DNM1L: variants seen among roughly 807,000 people sequenced by gnomAD.
DNM1L encodes the protein dynamin 1L.
DNM1L carries 33 observed loss-of-function variants against 92.8 expected under a neutral mutation model. The ratio of observed to expected loss-of-function variants is 0.36; its 90% confidence interval spans 0.27 to 0.48. The LOEUF (loss-of-function observed/expected upper bound fraction) is 0.48. Among genes scored for constraint, DNM1L ranks in the 20% least tolerant of loss-of-function variants. The probability of loss-of-function intolerance (pLI) is 0.99; values close to 1 mark genes in which losing one functional copy is unlikely to be tolerated. For synonymous variants in DNM1L, 284 were observed against 305.0 expected (o/e 0.93, Z 0.72); for missense variants, 485 against 888.8 (o/e 0.55, Z 5.78).
At chr12:32,709,266 C>T (rs1159199919) in intron 4 of DNM1L, among the ~76,000 whole-genome samples, 3 of 152,106 alleles carry the variant, frequency 2.0e-5, no homozygotes, top group Non-Finnish European at 2.9e-5. Context: ...ATTAGCTTAT[C>T]GTCATTCCTC....
intron 3 of DNM1L, 60 bp from the exon 4 acceptor site, chr12:32,708,093 A>G: frequency 3.0e-6 from 3 of 1,001,034 alleles, no homozygotes; most frequent in Non-Finnish European, 3.1e-6. Context: ...CTCCCCCTCC[A>G]GCTTAAGAAC....
chr12:32,681,271 C>CTTTTACTCA (rs1951791203), intron 1 of DNM1L, among the ~76,000 whole-genome samples: 1 of 152,148 alleles, frequency 6.6e-6, no homozygotes, highest in African/African-American at 2.4e-5. Flanking sequence ...AGCTGATAAT[C>CTTTTACTCA]AGTCTTTTAC....
Position 32,679,389 on chromosome 12 carries a change from A to G in DNM1L, c.26A>G (p.Asn9Ser), listed in dbSNP as rs771381138. The G allele has an allele frequency of 6.2e-7, 1 of 1,613,830 alleles. No individual in the cohort carries two copies. The highest frequency in any genetic ancestry group is 8.5e-7 in the Non-Finnish European group (1 of 1,179,872). ...ATGGAGGCGCTAATTCCTGTCATAA[A>G]CAAGCTCCAGGACGTCTTCAACACG... MEALIPVI[N>S]KLQDVFNTVG... Residue 9 changes from asparagine to serine, a missense_variant, in exon 1 of 20, where the codon AAC (asparagine) becomes AGC (serine). Transcript: ENST00000549701.
Position 32,745,274 on chromosome 12 carries a change from T to TATCA in DNM1L, c.*1864_*1865insATCA, listed in dbSNP as rs1165258712. 2 of 220,314 alleles carry TATCA rather than the reference T, an allele frequency of 9.1e-6. No individual in the cohort carries two copies. The highest frequency in any genetic ancestry group is 1.7e-3 in the Middle Eastern group (1 of 584). 13.6% of individuals were successfully genotyped at this position (220,314 alleles called of 1,614,324 possible). A position where few individuals can be genotyped will look rare whatever the true frequency, so the allele number is the denominator to read the frequency against. ...ACTATCATTATTCTAGTCCTTTGAA[T>TATCA]TTGTAAGGGGAAAAAAAACAAAAAC... On this transcript the variant is annotated 3_prime_UTR_variant, in exon 20 of 20. Transcript: ENST00000549701.
chr12:32,715,865 A>C (rs943613381), intron 6 of DNM1L, among the ~76,000 whole-genome samples: 2 of 152,226 alleles, frequency 1.3e-5, no homozygotes, highest in Non-Finnish European at 1.5e-5. Flanking sequence ...AGTTTCTTAT[A>C]AAGTTAAATT....
At chr12:32,727,884 A>C (rs1954258503) in intron 9 of DNM1L, among the ~76,000 whole-genome samples, 1 of 152,176 alleles carries the variant, frequency 6.6e-6, no homozygotes, top group Admixed American at 6.5e-5. Context: ...ACTGAGGATA[A>C]ATTTGTAGAA....
Position 32,737,402 on chromosome 12 carries a change from G to C in DNM1L, c.1596+241G>C, listed in dbSNP as rs1019949528. 6.1e-6 allele frequency: 3 copies of C among 488,138 alleles called. No individual in the cohort carries two copies. In the Admixed American group the frequency reaches 1.0e-4, roughly 17 times the overall value. 30.2% of individuals were successfully genotyped at this position (488,138 alleles called of 1,614,324 possible). A position where few individuals can be genotyped will look rare whatever the true frequency, so the allele number is the denominator to read the frequency against. Reference sequence around the variant, plus strand: ...TTTAAGCATTTATTTAAGCATTTAAGCATCAAGCTTTTTAAAAAAATTCAG... The same window carrying C: ...TTTAAGCATTTATTTAAGCATTTAACCATCAAGCTTTTTAAAAAAATTCAG... On this transcript the variant is annotated intron_variant, in intron 14 of 19. Transcript: ENST00000549701.
intron 4 of DNM1L, among the ~76,000 whole-genome samples, chr12:32,709,851 T>A (rs1953058065): frequency 6.6e-6 from 1 of 152,292 alleles, no homozygotes; most frequent in East Asian, 1.9e-4. Context: ...TTTGGAACAC[T>A]GGAGTATTTA....
chr12:32,698,758 A>G (rs1355077120), intron 1 of DNM1L, among the ~76,000 whole-genome samples: 1 of 152,226 alleles, frequency 6.6e-6, no homozygotes, highest in African/African-American at 2.4e-5. Context: ...AAAATGTATA[A>G]TAGAGGTTTA....
intron 4 of DNM1L, among the ~76,000 whole-genome samples, chr12:32,709,174 C>T (rs984051869): frequency 3.9e-5 from 6 of 152,140 alleles, no homozygotes; most frequent in East Asian, 1.9e-4. Flanking sequence ...TACCTTTGAG[C>T]TACTGCTACT....
intron 2 of DNM1L, among the ~76,000 whole-genome samples, chr12:32,703,591 G>A (rs1256480073): frequency 5.4e-5 from 6 of 111,550 alleles, no homozygotes; most frequent in African/African-American, 1.8e-4. Context: ...TAAGAGAGGA[G>A]AAAGGGAAGA....
intron 6 of DNM1L, among the ~76,000 whole-genome samples, chr12:32,714,495 A>T (rs2137380506): frequency 6.6e-6 from 1 of 151,686 alleles, no homozygotes; most frequent in Non-Finnish European, 1.5e-5. Context: ...GATGGTCTCG[A>T]TCTCCTGACC....
intron 2 of DNM1L, chr12:32,705,960 A>AT: frequency 8.6e-7 from 1 of 1,163,528 alleles, no homozygotes; most frequent in South Asian, 1.8e-5. Flanking sequence ...TTTTTCTTCC[A>AT]TTTTTATTTG....
chr12:32,690,122 C>T (rs1319115408), intron 1 of DNM1L, among the ~76,000 whole-genome samples: 2 of 152,106 alleles, frequency 1.3e-5, no homozygotes, highest in African/African-American at 4.8e-5. Context: ...GTTTAAATCA[C>T]CAGGTGGGGG....
chr12:32,680,617 G>C (rs1220777879), intron 1 of DNM1L, among the ~76,000 whole-genome samples: 1 of 152,190 alleles, frequency 6.6e-6, no homozygotes, highest in Non-Finnish European at 1.5e-5. Context: ...GAAAGATTCT[G>C]CTCAATCTTG....
chr12:32,710,691 A>G lies in DNM1L; in HGVS notation c.370-238A>G, dbSNP rs11052196. On this transcript the variant is annotated intron_variant, in intron 4 of 19. Coordinates refer to ENST00000549701, the MANE Select transcript of DNM1L (RefSeq NM_012062.5). The stretch of plus-strand genomic sequence containing the variant: ...AAGAGAAAAGAATGTAAAATAATAC[A>G]TGGTATATAATACATGTACATATAA... Among the ~76,000 whole-genome samples, 21,468 of 152,004 alleles carry G rather than the reference A, an allele frequency of 0.14. 1,574 individuals are homozygous for G. Among genetic ancestry groups the G allele is most frequent in the Middle Eastern group, 0.19 (55 of 294 alleles).
At chr12:32,696,383 AACAC>A (rs58224525) in intron 1 of DNM1L, among the ~76,000 whole-genome samples, 23,211 of 145,042 alleles carry the variant, frequency 0.16, 1,915 homozygotes, top group African/African-American at 0.22. Context: ...CACACACACA[AACAC>A]ACACACACAC....
At chr12:32,711,749 G>T (rs1455055419) in intron 5 of DNM1L, among the ~76,000 whole-genome samples, 3 of 152,020 alleles carry the variant, frequency 2.0e-5, no homozygotes, top group Non-Finnish European at 4.4e-5. Flanking sequence ...ACAAAAATTA[G>T]TCGGGCATGG....
At position 32,743,689 on chromosome 12, in the gene DNM1L, A is replaced by C; in HGVS notation, c.*279A>C. 1 of 451,934 alleles carries C rather than the reference A, an allele frequency of 2.2e-6. No homozygotes were observed. The highest frequency in any genetic ancestry group is 4.0e-5 in the East Asian group (1 of 25,150). 28.0% of individuals were successfully genotyped at this position (451,934 alleles called of 1,614,324 possible). ...TGAACTTAACTTAAAAACAACTGTT[A>C]ATGTTCTAGTTGTGCAAAGCAGTTT... On this transcript the variant is annotated 3_prime_UTR_variant, in exon 20 of 20. Transcript: ENST00000549701.
Sources: gnomAD v4.1 joint callset for allele counts (sites outside exome capture counted in the v4.1 genomes callset) on GRCh38, gnomAD v4.1.1 for gene constraint, MANE v1.5 for transcripts, NCBI Gene and HGNC (gene_info 2026-07-23, HGNC 2026-07-21) for gene names.